Variants in INHBA observed in about 807,000 individuals in gnomAD.
The protein encoded by INHBA is inhibin subunit beta A.
In INHBA, 1 loss-of-function variant was observed where a neutral mutation model predicts 29.0. That is an observed-to-expected ratio of 0.03 (90% CI 0.01 to 0.16). The LOEUF is 0.16. Among genes scored for constraint, INHBA ranks in the 10% least tolerant of loss-of-function variants. The probability of loss-of-function intolerance (pLI) is 1.00; values close to 1 mark genes in which losing one functional copy is unlikely to be tolerated. For missense variants in INHBA, 376 were observed against 545.4 expected, an observed-to-expected ratio of 0.69 and a Z score of 3.09; for synonymous variants, 242 against 216.8, an observed-to-expected ratio of 1.12 and a Z score of -1.02.
chr7:41,699,394 C>G (rs1228711528), intron 2 of INHBA, among the ~76,000 whole-genome samples: 1 of 152,164 alleles, frequency 6.6e-6, no homozygotes, highest in Non-Finnish European at 1.5e-5. Flanking sequence ...AATGTGGTGC[C>G]TGTGCACTTA....
At chr7:41,699,325 C>G (rs1421623266) in intron 2 of INHBA, among the ~76,000 whole-genome samples, 1 of 151,942 alleles carries the variant, frequency 6.6e-6, no homozygotes, top group East Asian at 1.9e-4. Flanking sequence ...AGTCAGTGTC[C>G]CAAAAGTAAC....
chr7:41,697,807 A>C (rs1794682202), intron 2 of INHBA, among the ~76,000 whole-genome samples: 1 of 152,228 alleles, frequency 6.6e-6, no homozygotes, highest in Non-Finnish European at 1.5e-5. Flanking sequence ...TTTCTGGACT[A>C]GCAAAATCAG....
upstream of INHBA, among the ~76,000 whole-genome samples, chr7:41,703,766 AACACACACAC>A (rs3030167): frequency 5.0e-3 from 743 of 148,098 alleles, 8 homozygotes; most frequent in African/African-American, 0.017. Flanking sequence ...TAACTAACCA[AACACACACAC>A]ACACACACAC....
At position 41,685,725 on chromosome 7, in the gene INHBA, A is replaced by G. The variant is rs1794381516; in HGVS notation, c.*3925T>C. On this transcript the variant is annotated 3_prime_UTR_variant, in exon 3 of 3. Coordinates refer to ENST00000242208, the MANE Select transcript of INHBA (RefSeq NM_002192.4). ...ATGCATAAAAAATAAATAATAATAT[A>G]GCTGAGACATGTGGTTTGCTTCTGC... is the stretch of plus-strand genomic sequence containing the variant. 1 of 152,168 alleles carries G rather than the reference A, an allele frequency of 6.6e-6. No individual in the cohort carries two copies. Among genetic ancestry groups the G allele is most frequent in the Admixed American group, 6.5e-5 (1 of 15,282 alleles). The allele number at this position is 152,168 out of a possible 1,614,324, so 9.4% of individuals were successfully genotyped here.
Position 41,690,178 on chromosome 7 carries a change from G to C in INHBA, c.753C>G (p.Gly251=), listed in dbSNP as rs776081862. 1 of 1,613,426 alleles carries C rather than the reference G, an allele frequency of 6.2e-7. No individual in the cohort carries two copies. The highest frequency in any genetic ancestry group is 8.5e-7 in the Non-Finnish European group (1 of 1,179,962). The stretch of plus-strand genomic sequence containing the variant: ...TCTTGCCCAGGAGAACCAAGCTGGC[G>C]CCACTCTCCTGGCACTGCTCACAGG... ...RIACEQCQES[G]ASLVLLGKKK... The change falls in exon 3 of 3, where the codon GGC becomes GGG. Residue 251 remains glycine (G), a synonymous_variant. Transcript: ENST00000242208.
chr7:41,704,611 A>AGT (rs60031309), upstream of INHBA, among the ~76,000 whole-genome samples: 1,305 of 101,238 alleles, frequency 0.013, 10 homozygotes, highest in African/African-American at 0.027. Flanking sequence ...CACACAAAGT[A>AGT]GTGTGTGTGT....
rs756786763 is a variant in INHBA, at chr7:41,700,189, A to G, written c.186T>C (p.Ile62=). Residue 62 remains isoleucine, a synonymous_variant, in exon 2 of 3, where the codon ATT becomes ATC. Coordinates refer to ENST00000242208, the MANE Select transcript of INHBA (RefSeq NM_002192.4). ...TCTTCTTCAAGTGCAGCATGTTTAAAATGTGCTTCTTGACGGCCTCCACCA... is the reference window on the plus strand; with the variant it reads ...TCTTCTTCAAGTGCAGCATGTTTAAGATGTGCTTCTTGACGGCCTCCACCA... The part of the protein sequence containing the change: ...PEMVEAVKKH[I]LNMLHLKKRP... 17 of 1,613,800 alleles carry G rather than the reference A, an allele frequency of 1.1e-5. No individual in the cohort carries two copies. The highest frequency in any genetic ancestry group is 3.3e-5 in the Admixed American group (2 of 59,980).
At chr7:41,699,941 T>TGGC in intron 2 of INHBA, 46 bp downstream of exon 2, 1 of 118,748 alleles carries the variant, frequency 8.4e-6, no homozygotes, top group Non-Finnish European at 1.8e-5. Flanking sequence ...TATTTTACCC[T>TGGC]CCCACCCCCC....
chr7:41,705,022 A>G (rs1794884306), upstream of INHBA, among the ~76,000 whole-genome samples: 1 of 151,974 alleles, frequency 6.6e-6, no homozygotes, highest in African/African-American at 2.4e-5. Context: ...CACAGTGGCA[A>G]TGCCTCCTCC....
Position 41,685,617 on chromosome 7 carries a change from C to A in INHBA, c.*4033G>T, listed in dbSNP as rs996389679. On this transcript the variant is annotated 3_prime_UTR_variant, in exon 3 of 3. Transcript: ENST00000242208. Reference sequence around the variant, plus strand: ...TTTCTTTTAAAGAAAAATATCAACCCATTGTCAATGCACTGTTTTTCAAAG... The same window carrying A: ...TTTCTTTTAAAGAAAAATATCAACCAATTGTCAATGCACTGTTTTTCAAAG... 1 of 152,052 alleles carries A rather than the reference C, an allele frequency of 6.6e-6. No individual in the cohort carries two copies. Among genetic ancestry groups the A allele is most frequent in the African/African-American group, 2.4e-5 (1 of 41,430 alleles). The allele number at this position is 152,052 out of a possible 1,614,324, so 9.4% of individuals were successfully genotyped here. A position where few individuals can be genotyped will look rare whatever the true frequency, so the allele number is the denominator to read the frequency against.
intron 2 of INHBA, among the ~76,000 whole-genome samples, chr7:41,695,600 C>A (rs2128670331): frequency 6.6e-6 from 1 of 152,310 alleles, no homozygotes; most frequent in South Asian, 2.1e-4. Flanking sequence ...AATTTCCCTC[C>A]TTAGGGTCCA....
Position 41,701,990 on chromosome 7 carries a change from C to A in INHBA, c.-144+1015G>T, listed in dbSNP as rs376051822. On this transcript the variant is annotated intron_variant, in intron 1 of 2. Transcript: ENST00000242208. Reference sequence around the variant, plus strand: ...CTTAAAAAAAATTCTTCCCCCTCCCCTCTTTTTCATTTTCTGTCTTATTGC... The same window carrying A: ...CTTAAAAAAAATTCTTCCCCCTCCCATCTTTTTCATTTTCTGTCTTATTGC... Among the ~76,000 whole-genome samples the A allele has an allele frequency of 3.9e-5, 6 of 152,274 alleles. No homozygotes were observed. In the East Asian group the frequency reaches 7.7e-4, roughly 20 times the overall value.
intron 2 of INHBA, among the ~76,000 whole-genome samples, chr7:41,697,037 TTA>T (rs983680505): frequency 6.6e-6 from 1 of 152,206 alleles, no homozygotes; most frequent in African/African-American, 2.4e-5. Flanking sequence ...AGGTACATTA[TTA>T]TTATGCATTG....
chr7:41,702,303 T>A (rs1355835193), intron 1 of INHBA, among the ~76,000 whole-genome samples: 1 of 152,216 alleles, frequency 6.6e-6, no homozygotes, highest in Non-Finnish European at 1.5e-5. Flanking sequence ...TTCTGAATTA[T>A]ATATACTGTC....
intron 1 of INHBA, among the ~76,000 whole-genome samples, chr7:41,701,651 C>G (rs749738279): frequency 1.3e-5 from 2 of 152,198 alleles, no homozygotes; most frequent in South Asian, 2.1e-4. Flanking sequence ...TACCACCACT[C>G]GCCGGACTTC....
intron 1 of INHBA, among the ~76,000 whole-genome samples, chr7:41,700,890 CTAAG>C (rs1794775485): frequency 1.8e-5 from 2 of 108,512 alleles, no homozygotes; most frequent in Middle Eastern, 6.8e-3. Flanking sequence ...AGGATTGGCC[CTAAG>C]TAAGTGAGTG....
chr7:41,700,877 GA>G (rs1794773579), intron 1 of INHBA, among the ~76,000 whole-genome samples: 1 of 120,154 alleles, frequency 8.3e-6, no homozygotes, highest in Non-Finnish European at 1.8e-5. Context: ...GAGAGAGAGA[GA>G]AAGGATTGGC....
In INHBA at chr7:41,689,820, T is replaced by C; in HGVS notation, c.1111A>G (p.Thr371Ala). The part of the protein sequence containing the change: ...TSGSSLSFHS[T>A]VINHYRMRGH... ...CGCATGCGGTAGTGGTTGATGACTGTTGAGTGGAAGGACAGTGAGGACCCG... is the reference window on the plus strand; with the variant it reads ...CGCATGCGGTAGTGGTTGATGACTGCTGAGTGGAAGGACAGTGAGGACCCG... The change falls in exon 3 of 3, where the codon ACA becomes GCA. Residue 371 changes from threonine to alanine, a missense_variant. Thr to Ala is a moderately conservative substitution (Grantham distance 58). Coordinates refer to ENST00000242208, the MANE Select transcript of INHBA (RefSeq NM_002192.4). The C allele has an allele frequency of 6.2e-7, 1 of 1,614,156 alleles. No individual in the cohort carries two copies. The highest frequency in any genetic ancestry group is 8.5e-7 in the Non-Finnish European group (1 of 1,180,018).
Position 41,689,779 on chromosome 7 carries a change from A to C in INHBA, c.1152T>G (p.Phe384Leu). The change falls in exon 3 of 3, where the codon TTT (phenylalanine) becomes TTG (leucine). Residue 384 changes from phenylalanine to leucine, a missense_variant. Physicochemically the swap from Phe to Leu is conservative, Grantham distance 22. Around this residue, in one of 4 missense-constraint regions of INHBA, gnomAD observed 50 missense variants for 137.9 expected, o/e 0.36. Transcript: ENST00000242208. The stretch of plus-strand genomic sequence containing the variant: ...GCACACAGCACGATTTGAGGTTGGC[A>C]AAGGGGCTATGGCCCCGCATGCGGT... ...NHYRMRGHSP[F>L]ANLKSCCVPT... 1 of 1,614,124 alleles carries C rather than the reference A, an allele frequency of 6.2e-7. No individual in the cohort carries two copies. Among genetic ancestry groups the C allele is most frequent in the Non-Finnish European group, 8.5e-7 (1 of 1,179,998 alleles).
Sources: allele counts gnomAD v4.1 joint callset (sites outside exome capture counted in the v4.1 genomes callset), GRCh38; gene constraint gnomAD v4.1.1; regional missense constraint gnomAD v4.1.1; transcripts MANE v1.5; gene names NCBI Gene and HGNC (gene_info 2026-07-23, HGNC 2026-07-21).